The following FBRSL1 variants were observed in gnomAD, a reference collection of about 807,000 sequenced individuals.
FBRSL1 encodes fibrosin like 1.
FBRSL1 carries 51 observed loss-of-function variants against 89.6 expected under a neutral mutation model. The ratio of observed to expected loss-of-function variants is 0.57; its 90% CI spans 0.45 to 0.72. The LOEUF is 0.72. Ranked by LOEUF, FBRSL1 falls within the 30% of genes least tolerant of loss-of-function variation. FBRSL1 has a pLI of 0.00. For missense variants in FBRSL1, 1,618 were observed against 1,451.8 expected, an observed-to-expected ratio of 1.11 and a Z score of -1.86; for synonymous variants, 779 against 681.1, an observed-to-expected ratio of 1.14 and a Z score of -2.24.
chr12:132,572,522 T>C lies in FBRSL1; in HGVS notation c.1435-5T>C, dbSNP rs1226176736. On this transcript the variant is annotated splice_region_variant and splice_polypyrimidine_tract_variant and intron_variant, in intron 10 of 18. Transcript: ENST00000680143. ...CCCCCTCCATCCGCTCTCCTTCTCTTACAGTTCTTCCCGTCCTTCCCTCCT... is the reference window on the plus strand; with the variant it reads ...CCCCCTCCATCCGCTCTCCTTCTCTCACAGTTCTTCCCGTCCTTCCCTCCT... 1.3e-6 allele frequency: 2 copies of C among 1,549,790 alleles called. No homozygotes were observed. The highest frequency in any genetic ancestry group is 1.7e-6 in the Non-Finnish European group (2 of 1,145,462).
At chr12:132,490,904 G>C in intron 1 of FBRSL1, 43 bp downstream of exon 1, 2 of 1,253,156 alleles carry the variant, frequency 1.6e-6, no homozygotes, top group Non-Finnish European at 2.0e-6. Context: ...AGGCGAGAAC[G>C]GGGCCCGGAG....
chr12:132,547,455 G>A (rs371814349), intron 4 of FBRSL1, among the ~76,000 whole-genome samples: 82 of 152,312 alleles, frequency 5.4e-4, no homozygotes, highest in African/African-American at 1.8e-3. Context: ...GTGGCCCTCC[G>A]TGCGCTGCCA....
chr12:132,579,767 T>G (rs1166938709), intron 15 of FBRSL1, among the ~76,000 whole-genome samples: 1 of 152,200 alleles, frequency 6.6e-6, no homozygotes. Context: ...TAAGGCGCTT[T>G]CCTTTTTTCT....
intron 2 of FBRSL1, among the ~76,000 whole-genome samples, chr12:132,518,393 T>C (rs552167115): frequency 2.0e-5 from 3 of 149,308 alleles, no homozygotes; most frequent in South Asian, 2.2e-4. Flanking sequence ...TCCATCCACC[T>C]GTCTGTCCAT....
rs1229141308 is a variant in FBRSL1, at chr12:132,584,327, G to GTAA, written c.*551_*553dup. On this transcript the variant is annotated 3_prime_UTR_variant, in exon 19 of 19. Transcript: ENST00000680143. ...TTTTTTTGCCTTATTATGCAGAAGT[G>GTAA]TAATTTCTTTTTTGGTTTGTTTTTT... is the stretch of plus-strand genomic sequence containing the variant. 1 of 152,158 alleles carries GTAA rather than the reference G, an allele frequency of 6.6e-6. No homozygotes were observed. Among genetic ancestry groups the GTAA allele is most frequent in the Non-Finnish European group, 1.5e-5 (1 of 68,030 alleles). The allele number at this position is 152,158 out of a possible 1,614,324, so 9.4% of individuals were successfully genotyped here. A position where few individuals can be genotyped will look rare whatever the true frequency, so the allele number is the denominator to read the frequency against.
chr12:132,570,616 A>G (rs1446020842), intron 8 of FBRSL1, 76 bp downstream of exon 8: 11 of 1,268,028 alleles, frequency 8.7e-6, no homozygotes, highest in Admixed American at 2.8e-5. Flanking sequence ...GGAGGGGCGC[A>G]CAGCCTGGCC....
At chr12:132,537,315 G>C (rs987343196) in intron 4 of FBRSL1, among the ~76,000 whole-genome samples, 1 of 152,134 alleles carries the variant, frequency 6.6e-6, no homozygotes, top group East Asian at 1.9e-4. Context: ...GAGTCGGGCC[G>C]AGCCCAGAGG....
intron 5 of FBRSL1, among the ~76,000 whole-genome samples, chr12:132,562,977 ACGC>A (rs2039264147): frequency 6.6e-6 from 1 of 151,598 alleles, no homozygotes; most frequent in African/African-American, 2.4e-5. Flanking sequence ...TGAAGGACCT[ACGC>A]CACACCTGGC....
In FBRSL1 at chr12:132,583,801, C is replaced by A; in HGVS notation, c.*23C>A. On this transcript the variant is annotated 3_prime_UTR_variant, in exon 19 of 19. Coordinates refer to ENST00000680143, the MANE Select transcript of FBRSL1 (RefSeq NM_001367871.1). ...TAGCCCCGGGGCCGCAGACGCCTCT[C>A]CGAGCGGAGCGCACCGCTGTCCGTC... 1 of 1,184,066 alleles carries A rather than the reference C, an allele frequency of 8.4e-7. No homozygotes were observed. The highest frequency in any genetic ancestry group is 4.2e-5 in the South Asian group (1 of 23,580). The allele number at this position is 1,184,066 out of a possible 1,614,324, so 73.3% of individuals were successfully genotyped here. A position where few individuals can be genotyped will look rare whatever the true frequency, so the allele number is the denominator to read the frequency against.
intron 12 of FBRSL1, 27 bp downstream of exon 12, chr12:132,574,185 AC>A: frequency 1.4e-6 from 2 of 1,427,370 alleles, no homozygotes; most frequent in Non-Finnish European, 1.8e-6. Flanking sequence ...GCCCGTCCCC[AC>A]CCCGGGGGAT....
At chr12:132,500,923 T>G (rs1403280332) in intron 1 of FBRSL1, among the ~76,000 whole-genome samples, 2 of 152,192 alleles carry the variant, frequency 1.3e-5, no homozygotes, top group East Asian at 3.8e-4. Flanking sequence ...CCTCTGGCTG[T>G]CCTCGGCCAG....
rs775632498 is a variant in FBRSL1 at position 132,572,571 on chromosome 12, G to T, written c.1479G>T (p.Leu493=). The change falls in exon 11 of 19, where the codon CTG becomes CTT. Residue 493 remains leucine (L), a synonymous_variant. Coordinates refer to ENST00000680143, the MANE Select transcript of FBRSL1 (RefSeq NM_001367871.1). ...FPPAIPGLPT[L]LPHPGPFGSL... is the part of the protein sequence containing the mutation. Reference sequence around the variant, plus strand: ...CTGCCATCCCGGGACTGCCCACCCTGCTCCCACACCCCGGCCCCTTCGGGT... The same window carrying T: ...CTGCCATCCCGGGACTGCCCACCCTTCTCCCACACCCCGGCCCCTTCGGGT... The T allele has an allele frequency of 3.0e-5, 47 of 1,551,246 alleles. No homozygotes were observed. The East Asian group carries it at 1.1e-3, about 37-fold the overall frequency.
Position 132,546,542 on chromosome 12 carries a change from G to A in FBRSL1, c.616-1461G>A, listed in dbSNP as rs1447109631. Among the ~76,000 whole-genome samples, 1 of 150,964 alleles carries A rather than the reference G, an allele frequency of 6.6e-6. No individual in the cohort carries two copies. Among genetic ancestry groups the A allele is most frequent in the Non-Finnish European group, 1.5e-5 (1 of 67,588 alleles). On this transcript the variant is annotated intron_variant, in intron 4 of 18. Transcript: ENST00000680143. This position sits in a 1 kb window ranked among gnomAD's most constrained non-coding sequence, Gnocchi z 4.0. ...CCTAGGAGAGGGCTTGGCCACGGCT[G>A]AAAGGCCAGACCGGGGGGACCCTAG...
intron 4 of FBRSL1, among the ~76,000 whole-genome samples, chr12:132,544,989 G>T (rs1475241337): frequency 1.3e-5 from 2 of 152,210 alleles, no homozygotes; most frequent in Non-Finnish European, 2.9e-5. Context: ...CCTATGAGCT[G>T]TAAGGGACAA....
chr12:132,542,190 G>A (rs760581502), intron 4 of FBRSL1, among the ~76,000 whole-genome samples: 24 of 152,208 alleles, frequency 1.6e-4, no homozygotes, highest in Non-Finnish European at 2.8e-4. Flanking sequence ...GACGCGCCAC[G>A]GCACATGTGC....
At position 132,490,837 on chromosome 12, in the gene FBRSL1, C is replaced by T. The variant is rs1169955677; in HGVS notation, c.267C>T (p.Ser89=). The change falls in exon 1 of 19, where the codon AGC becomes AGT. Residue 89 remains serine, a synonymous_variant. Transcript: ENST00000680143. ...EEVIDGFAIA[S]FSTLEALEKD... is the part of the protein sequence containing the mutation. ...TCATCGACGGCTTCGCCATCGCCAG[C>T]TTCAGCACCCTGGAGGCCCTGGAGG... is the stretch of plus-strand genomic sequence containing the variant. 1 of 1,416,778 alleles carries T rather than the reference C, an allele frequency of 7.1e-7. No individual in the cohort carries two copies. Among genetic ancestry groups the T allele is most frequent in the Non-Finnish European group, 9.3e-7 (1 of 1,080,554 alleles). 87.8% of individuals were successfully genotyped at this position (1,416,778 alleles called of 1,614,324 possible).
Position 132,494,043 on chromosome 12 carries a change from G to A in FBRSL1, c.291+3182G>A, listed in dbSNP as rs139038859. Among the ~76,000 whole-genome samples the A allele has an allele frequency of 6.1e-3, 922 of 152,268 alleles. 5 individuals are homozygous for A. The highest frequency in any genetic ancestry group is 0.01 in the Non-Finnish European group (695 of 67,998). On this transcript the variant is annotated intron_variant, in intron 1 of 18. Transcript: ENST00000680143. ...TGTGCTGGGGTGGGTGGGGCGGCGC[G>A]GCAGACCTGAGCCAGCCCCCGCTTG... is the stretch of plus-strand genomic sequence containing the variant.
chr12:132,509,275 C>T, intron 2 of FBRSL1: 2 of 1,252,464 alleles, frequency 1.6e-6, no homozygotes, highest in Non-Finnish European at 2.0e-6. Flanking sequence ...CCCCAGGGGT[C>T]CCTCCCAGCC....
chr12:132,499,552 G>A lies in FBRSL1; in HGVS notation c.292-8601G>A, dbSNP rs892498753. Among the ~76,000 whole-genome samples the A allele has an allele frequency of 6.6e-6, 1 of 152,234 alleles. No homozygotes were observed. Among genetic ancestry groups the A allele is most frequent in the Non-Finnish European group, 1.5e-5 (1 of 68,036 alleles). On this transcript the variant is annotated intron_variant, in intron 1 of 18. Transcript: ENST00000680143. The surrounding 1 kb of genome is among the most constrained non-coding windows in gnomAD (Gnocchi z 4.3). The stretch of plus-strand genomic sequence containing the variant: ...TCGAAGGCTAGGAGTCACAGAGGAG[G>A]CCACGAGGGCTTCTGGGGAAGAGTG...
Sources: gnomAD v4.1 joint callset for allele counts (sites outside exome capture counted in the v4.1 genomes callset) on GRCh38, gnomAD v4.1.1 for gene constraint, Gnocchi (gnomAD v3.1) non-coding constraint, MANE v1.5 for transcripts, NCBI Gene and HGNC (gene_info 2026-07-23, HGNC 2026-07-21) for gene names.